Variants in DLGAP1 observed in about 807,000 individuals in gnomAD.
DLGAP1 encodes the protein DLG associated protein 1.
DLGAP1 carries 11 observed loss-of-function variants against 90.8 expected under a neutral mutation model. The ratio of observed to expected loss-of-function variants is 0.12; its 90% CI spans 0.08 to 0.20. DLGAP1 has a LOEUF of 0.20. Ranked by LOEUF, DLGAP1 falls within the 10% of genes least tolerant of loss-of-function variation. The pLI, the probability that DLGAP1 is intolerant of heterozygous loss-of-function variation, is 1.00. For synonymous variants in DLGAP1, 558 were observed against 540.7 expected, an observed-to-expected ratio of 1.03 and a Z score of -0.44; for missense variants, 1,050 against 1,333.8, an observed-to-expected ratio of 0.79 and a Z score of 3.31.
At chr18:3,773,441 A>C (rs966806240) in intron 5 of DLGAP1, among the ~76,000 whole-genome samples, 1 of 152,242 alleles carries the variant, frequency 6.6e-6, no homozygotes, top group African/African-American at 2.4e-5. Flanking sequence ...ACGCTGTGCA[A>C]ACAGTACCCT....
At chr18:4,406,532 G>T (rs1270947598) in intron 1 of DLGAP1, among the ~76,000 whole-genome samples, 1 of 152,174 alleles carries the variant, frequency 6.6e-6, no homozygotes, top group Non-Finnish European at 1.5e-5. Context: ...TCATAACTGA[G>T]AACACTGAGG....
chr18:4,306,026 A>G (rs1410840238), intron 1 of DLGAP1, among the ~76,000 whole-genome samples: 1 of 55,386 alleles, frequency 1.8e-5, no homozygotes, highest in Non-Finnish European at 4.0e-5. Flanking sequence ...ACACAGACAC[A>G]CACAAATACA....
intron 2 of DLGAP1, among the ~76,000 whole-genome samples, chr18:4,033,864 G>C (rs566846256): frequency 6.7e-6 from 1 of 148,152 alleles, no homozygotes; most frequent in Non-Finnish European, 1.5e-5. Flanking sequence ...TCAGCCTCCC[G>C]AGTAGCCGGG....
chr18:4,365,579 C>G (rs917205711), intron 1 of DLGAP1, among the ~76,000 whole-genome samples: 1 of 151,978 alleles, frequency 6.6e-6, no homozygotes, highest in Non-Finnish European at 1.5e-5. Context: ...CTCAATAAAA[C>G]TATTAAAATA....
chr18:4,301,659 T>C (rs1281589527), intron 1 of DLGAP1, among the ~76,000 whole-genome samples: 1 of 152,160 alleles, frequency 6.6e-6, no homozygotes, highest in Non-Finnish European at 1.5e-5. Context: ...ATCTTCAGGG[T>C]AAATACCAAA....
intron 3 of DLGAP1, among the ~76,000 whole-genome samples, chr18:3,994,585 A>G (rs887290859): frequency 2.0e-5 from 3 of 152,218 alleles, no homozygotes; most frequent in African/African-American, 7.2e-5. Flanking sequence ...GCTTGCCACT[A>G]TATAGAGGAC....
intron 7 of DLGAP1, among the ~76,000 whole-genome samples, chr18:3,600,990 A>G (rs2056972052): frequency 1.4e-5 from 1 of 69,630 alleles, no homozygotes; most frequent in African/African-American, 4.2e-5. Flanking sequence ...AGATATAGAT[A>G]TATAGATATA....
At chr18:4,376,531 C>T (rs919454072) in intron 1 of DLGAP1, among the ~76,000 whole-genome samples, 2 of 152,184 alleles carry the variant, frequency 1.3e-5, no homozygotes, top group South Asian at 2.1e-4. Context: ...TATTTCAAGG[C>T]GTGGTGTTTA....
intron 1 of DLGAP1, among the ~76,000 whole-genome samples, chr18:4,247,364 G>C (rs1297509046): frequency 6.6e-6 from 1 of 152,202 alleles, no homozygotes; most frequent in African/African-American, 2.4e-5. Context: ...CACCTGGCTA[G>C]TAAGGAAGAG....
chr18:4,114,434 G>A (rs4798173), intron 2 of DLGAP1, among the ~76,000 whole-genome samples: 41,009 of 151,870 alleles, frequency 0.27, 5,740 homozygotes, highest in Non-Finnish European at 0.3. Context: ...GTATAGAAAT[G>A]CTACTGATTT....
chr18:3,795,240 A>G (rs2148268701), intron 5 of DLGAP1, among the ~76,000 whole-genome samples: 1 of 152,332 alleles, frequency 6.6e-6, no homozygotes, highest in Middle Eastern at 3.4e-3. Flanking sequence ...AAACAGACAC[A>G]GAGATTTTCT....
Position 4,303,503 on chromosome 18 carries a change from G to T in DLGAP1, c.-267+151503C>A, listed in dbSNP as rs374088925. 6.8e-4 allele frequency among the ~76,000 whole-genome samples: 104 copies of T among 152,284 alleles called. 1 individual carries two copies. In the Middle Eastern group the frequency reaches 0.01, roughly 15 times the overall value. Reference sequence around the variant, plus strand: ...CTCAGAGCAGTGAGGGCCCTAGGATGCTAGTCCCCAAGAACAGCAGTGCCA... The same window carrying T: ...CTCAGAGCAGTGAGGGCCCTAGGATTCTAGTCCCCAAGAACAGCAGTGCCA... On this transcript the variant is annotated intron_variant, in intron 1 of 12. Coordinates refer to ENST00000315677, the MANE Select transcript of DLGAP1 (RefSeq NM_004746.4).
intron 1 of DLGAP1, among the ~76,000 whole-genome samples, chr18:4,260,437 C>T (rs966605135): frequency 6.6e-6 from 1 of 152,152 alleles, no homozygotes; most frequent in African/African-American, 2.4e-5. Context: ...TTAATATAAG[C>T]ATTTACAAGA....
chr18:3,848,310 G>A (rs2069139821), intron 4 of DLGAP1, among the ~76,000 whole-genome samples: 1 of 151,906 alleles, frequency 6.6e-6, no homozygotes, highest in African/African-American at 2.4e-5. Flanking sequence ...AGGGAGGAGG[G>A]AGGAGAAGGA....
chr18:4,371,197 T>C (rs1246359721), intron 1 of DLGAP1, among the ~76,000 whole-genome samples: 1 of 152,050 alleles, frequency 6.6e-6, no homozygotes, highest in Non-Finnish European at 1.5e-5. Flanking sequence ...CCTCACGGAG[T>C]TTATAGTCTA....
intron 7 of DLGAP1, among the ~76,000 whole-genome samples, chr18:3,707,410 C>T (rs1290668835): frequency 6.6e-6 from 1 of 151,940 alleles, no homozygotes; most frequent in Non-Finnish European, 1.5e-5. Context: ...TCAGCCTGGC[C>T]AAAATGGTGA....
chr18:3,742,539 A>G, intron 5 of DLGAP1, 27 bp from the exon 6 acceptor site: 1 of 1,611,032 alleles, frequency 6.2e-7, no homozygotes, highest in Non-Finnish European at 8.5e-7. Flanking sequence ...GAAGAGGTGC[A>G]TTAGTCACAT....
chr18:3,577,001 T>C (rs2055193193), intron 8 of DLGAP1, among the ~76,000 whole-genome samples: 1 of 152,072 alleles, frequency 6.6e-6, no homozygotes, highest in African/African-American at 2.4e-5. Flanking sequence ...TAGGTGAGAT[T>C]ACAGGCATGC....
intron 9 of DLGAP1, among the ~76,000 whole-genome samples, chr18:3,536,141 C>G (rs914042024): frequency 5.9e-5 from 9 of 152,166 alleles, no homozygotes; most frequent in African/African-American, 2.2e-4. Context: ...GTTAAGACTT[C>G]CTGAAAGCAA....
Sources: allele counts gnomAD v4.1 joint callset (sites outside exome capture counted in the v4.1 genomes callset), GRCh38; gene constraint gnomAD v4.1.1; transcripts MANE v1.5; gene names NCBI Gene and HGNC (gene_info 2026-07-23, HGNC 2026-07-21).